OSBPL5: variants seen among roughly 807,000 people sequenced by gnomAD.
OSBPL5 encodes the protein oxysterol binding protein like 5.
OSBPL5 carries 71 observed loss-of-function variants against 111.2 expected under a neutral mutation model. The observed-to-expected ratio is 0.64, with a 90% CI of 0.53 to 0.78. The LOEUF (loss-of-function observed/expected upper bound fraction) is 0.78. Ranked by LOEUF, OSBPL5 falls within the 30% of genes least tolerant of loss-of-function variation. The probability of loss-of-function intolerance (pLI) is 0.00; values close to 1 mark genes in which losing one functional copy is unlikely to be tolerated. For missense variants in OSBPL5, 1,210 were observed against 1,189.3 expected, an observed-to-expected ratio of 1.02 and a Z score of -0.26; for synonymous variants, 549 against 513.9, an observed-to-expected ratio of 1.07 and a Z score of -0.93.
At chr11:3,122,929 A>T (rs1275832766) in intron 3 of OSBPL5, among the ~76,000 whole-genome samples, 1 of 152,226 alleles carries the variant, frequency 6.6e-6, no homozygotes, top group African/African-American at 2.4e-5. Flanking sequence ...CCAGCCCTGC[A>T]TCCACCCAAA....
chr11:3,127,644 C>T (rs1373121716), intron 2 of OSBPL5, among the ~76,000 whole-genome samples: 2 of 152,256 alleles, frequency 1.3e-5, no homozygotes, highest in African/African-American at 4.8e-5. Flanking sequence ...GCGCTCTTCC[C>T]TCTGGCACTT....
chr11:3,092,297 G>A lies in OSBPL5; in HGVS notation c.2259+135C>T. On this transcript the variant is annotated intron_variant, in intron 19 of 21. Coordinates refer to ENST00000263650, the MANE Select transcript of OSBPL5 (RefSeq NM_020896.4). The surrounding 1 kb of genome is among the most constrained non-coding windows in gnomAD (Gnocchi z 5.4). ...CCATGCTCGGCAGAGAAGGAAAGGG[G>A]ACGAGGGGGCTGGGGGATGAGGGCG... is the stretch of plus-strand genomic sequence containing the variant. 5.6e-6 allele frequency: 7 copies of A among 1,248,440 alleles called. No individual in the cohort carries two copies. The highest frequency in any genetic ancestry group is 5.3e-6 in the Non-Finnish European group (5 of 934,634). The allele number at this position is 1,248,440 out of a possible 1,614,324, so 77.3% of individuals were successfully genotyped here. A position where few individuals can be genotyped will look rare whatever the true frequency, so the allele number is the denominator to read the frequency against.
At position 3,141,202 on chromosome 11, in the gene OSBPL5, G is replaced by A. The variant is rs59124348; in HGVS notation, c.-21-12033C>T. On this transcript the variant is annotated intron_variant, in intron 1 of 21. Transcript: ENST00000263650. The surrounding 1 kb of genome is among the most constrained non-coding windows in gnomAD (Gnocchi z 6.5). The stretch of plus-strand genomic sequence containing the variant: ...TTCCCCCCGCCCAGCAGACAGTATC[G>A]TCATCATGTGTGATGCAGGGAGGGC... Among the ~76,000 whole-genome samples the A allele has an allele frequency of 0.13, 20,010 of 152,146 alleles. 1,334 individuals carry two copies. Among genetic ancestry groups the A allele is most frequent in the East Asian group, 0.19 (974 of 5,162 alleles).
Position 3,104,471 on chromosome 11 carries a change from C to T in OSBPL5, c.1060-94G>A, listed in dbSNP as rs1590653692. ...CAGCTCTGGCTGGAGGAGGCTGTAC[C>T]TGCCACCCCTTAGGGTGTAAACCCC... On this transcript the variant is annotated intron_variant, in intron 9 of 21. Transcript: ENST00000263650. The surrounding 1 kb of genome is among the most constrained non-coding windows in gnomAD (Gnocchi z 5.0). 1.4e-6 allele frequency: 2 copies of T among 1,392,510 alleles called. No individual in the cohort carries two copies. Among genetic ancestry groups the T allele is most frequent in the Non-Finnish European group, 1.9e-6 (2 of 1,031,184 alleles). The allele number at this position is 1,392,510 out of a possible 1,614,324, so 86.3% of individuals were successfully genotyped here.
At chr11:3,133,803 C>T (rs747408509) in intron 1 of OSBPL5, among the ~76,000 whole-genome samples, 16 of 152,322 alleles carry the variant, frequency 1.1e-4, no homozygotes, top group African/African-American at 2.6e-4. Flanking sequence ...GCCCCTCCCA[C>T]GGTGAGACTG....
At chr11:3,149,718 C>T (rs1225922449) in intron 1 of OSBPL5, among the ~76,000 whole-genome samples, 1 of 152,242 alleles carries the variant, frequency 6.6e-6, no homozygotes, top group Non-Finnish European at 1.5e-5. Context: ...CGCCCTGTCC[C>T]TTCTTCCTCT....
intron 7 of OSBPL5, among the ~76,000 whole-genome samples, chr11:3,118,433 T>G (rs1010351517): frequency 6.6e-6 from 1 of 152,244 alleles, no homozygotes; most frequent in African/African-American, 2.4e-5. Context: ...AATGTTCATC[T>G]TGCATGTGTT....
At chr11:3,149,310 G>T (rs1351590399) in intron 1 of OSBPL5, among the ~76,000 whole-genome samples, 2 of 152,190 alleles carry the variant, frequency 1.3e-5, no homozygotes, top group African/African-American at 4.8e-5. Flanking sequence ...GCATGGGCTG[G>T]GGGGGCAGTC....
intron 1 of OSBPL5, among the ~76,000 whole-genome samples, chr11:3,143,384 C>T (rs1225700480): frequency 6.6e-6 from 1 of 152,210 alleles, no homozygotes; most frequent in African/African-American, 2.4e-5. Context: ...AGCACACGCC[C>T]CCAGGTGGTC....
rs989072761 is a variant in OSBPL5 at position 3,121,095 on chromosome 11, T to C, written c.403-471A>G. Among the ~76,000 whole-genome samples, 23 of 149,310 alleles carry C rather than the reference T, an allele frequency of 1.5e-4. No homozygotes were observed. Among genetic ancestry groups the C allele is most frequent in the Admixed American group, 6.7e-4 (10 of 14,844 alleles). ...TTTTTTTTTGAGACAGAGTCTCTGT[T>C]GCCCAGGCTGGAGGTGCAGTGGTGC... is the stretch of plus-strand genomic sequence containing the variant. On this transcript the variant is annotated intron_variant, in intron 5 of 21. Coordinates refer to ENST00000263650, the MANE Select transcript of OSBPL5 (RefSeq NM_020896.4). The surrounding 1 kb of genome is among the most constrained non-coding windows in gnomAD (Gnocchi z 4.3).
Position 3,140,635 on chromosome 11 carries a change from T to A in OSBPL5, c.-21-11466A>T, listed in dbSNP as rs1846079656. ...CTGCCCCACCAGTGGACAGGCATCGTCGTCCCGGCTCCCCTCTGTCCCCCA... is the reference window on the plus strand; with the variant it reads ...CTGCCCCACCAGTGGACAGGCATCGACGTCCCGGCTCCCCTCTGTCCCCCA... On this transcript the variant is annotated intron_variant, in intron 1 of 21. Coordinates refer to ENST00000263650, the MANE Select transcript of OSBPL5 (RefSeq NM_020896.4). The surrounding 1 kb of genome is among the most constrained non-coding windows in gnomAD (Gnocchi z 4.5). 6.6e-6 allele frequency among the ~76,000 whole-genome samples: 1 copy of A among 152,152 alleles called. No individual in the cohort carries two copies. Among genetic ancestry groups the A allele is most frequent in the African/African-American group, 2.4e-5 (1 of 41,436 alleles).
In OSBPL5 at chr11:3,122,340, G is replaced by A. The variant is rs372844307; in HGVS notation, c.300+8C>T. 4.7e-5 allele frequency: 76 copies of A among 1,612,074 alleles called. No homozygotes were observed. In the East Asian group the frequency reaches 8.3e-4, roughly 18 times the overall value. ...ACACTGCTGCACCCTCCCCGGGCCC[G>A]GGCTCACCTTGAGAGTCTCCTTCTT... is the stretch of plus-strand genomic sequence containing the variant. On this transcript the variant is annotated splice_region_variant and intron_variant, in intron 4 of 21. Coordinates refer to ENST00000263650, the MANE Select transcript of OSBPL5 (RefSeq NM_020896.4).
intron 1 of OSBPL5, among the ~76,000 whole-genome samples, chr11:3,163,696 C>G (rs572587747): frequency 6.6e-6 from 1 of 152,206 alleles, no homozygotes; most frequent in Non-Finnish European, 1.5e-5. Context: ...GAGACCAGGC[C>G]CAGGACTGCA....
At chr11:3,108,237 C>T (rs1248239294) in intron 7 of OSBPL5, among the ~76,000 whole-genome samples, 1 of 152,142 alleles carries the variant, frequency 6.6e-6, no homozygotes, top group Non-Finnish European at 1.5e-5. Flanking sequence ...CCTGCAGAGG[C>T]ACCTGGGGAT....
intron 14 of OSBPL5, among the ~76,000 whole-genome samples, chr11:3,099,319 AT>A (rs943658405): frequency 6.6e-6 from 1 of 152,194 alleles, no homozygotes; most frequent in Non-Finnish European, 1.5e-5. Context: ...GTCCTTCTGT[AT>A]TTAGCAAAAC....
At chr11:3,097,544 C>A (rs1237631626) in intron 14 of OSBPL5, among the ~76,000 whole-genome samples, 1 of 152,130 alleles carries the variant, frequency 6.6e-6, no homozygotes, top group Non-Finnish European at 1.5e-5. Context: ...CAAACAAACA[C>A]AAAACTAGCA....
rs1857124468 is a variant in OSBPL5 at position 3,093,151 on chromosome 11, G to A, written c.1947-99C>T. On this transcript the variant is annotated intron_variant, in intron 17 of 21. Transcript: ENST00000263650. ...CTTGGCACCAGAAGGAAGGCACAGA[G>A]CAACCTCTGCGTGATTGCCTACAGT... 25 of 1,252,654 alleles carry A rather than the reference G, an allele frequency of 2.0e-5. No individual in the cohort carries two copies. The East Asian group carries it at 6.4e-4, about 32-fold the overall frequency. 77.6% of individuals were successfully genotyped at this position (1,252,654 alleles called of 1,614,324 possible).
At chr11:3,122,778 A>C (rs2134460570) in intron 3 of OSBPL5, among the ~76,000 whole-genome samples, 1 of 152,280 alleles carries the variant, frequency 6.6e-6, no homozygotes, top group Middle Eastern at 3.4e-3. Context: ...CTGAGCCCTG[A>C]GGGACAGCCG....
rs184081509 is a variant in OSBPL5 at position 3,126,047 on chromosome 11, C to T, written c.219+426G>A. On this transcript the variant is annotated intron_variant, in intron 3 of 21. Transcript: ENST00000263650. This position sits in a 1 kb window ranked among gnomAD's most constrained non-coding sequence, Gnocchi z 6.5. ...CAAGCGTTGGTGAGGATGTGAGGAA[C>T]TGGAGCCCTTGTGCACTGTGGGTGG... Among the ~76,000 whole-genome samples, 222 of 152,280 alleles carry T rather than the reference C, an allele frequency of 1.5e-3. 4 individuals are homozygous for T. The highest frequency in any genetic ancestry group is 1.9e-3 in the East Asian group (10 of 5,180).
Sources: gnomAD v4.1 joint callset for allele counts (sites outside exome capture counted in the v4.1 genomes callset) on GRCh38, gnomAD v4.1.1 for gene constraint, Gnocchi (gnomAD v3.1) non-coding constraint, MANE v1.5 for transcripts, NCBI Gene and HGNC (gene_info 2026-07-23, HGNC 2026-07-21) for gene names.